Variants in RIMS1 observed in about 807,000 individuals in gnomAD.
The protein encoded by RIMS1 is regulating synaptic membrane exocytosis protein 1.
A neutral mutation model predicts 214.1 loss-of-function variants in RIMS1; 83 were observed. The observed-to-expected ratio is 0.39, with a 90% CI of 0.32 to 0.47. The LOEUF (loss-of-function observed/expected upper bound fraction) is 0.47, where lower values mean the gene tolerates loss of function less well. RIMS1 is among the 20% of genes least tolerant of loss of function. The pLI, the probability that RIMS1 is intolerant of heterozygous loss-of-function variation, is 0.99. For synonymous variants in RIMS1, 793 were observed against 786.8 expected, an observed-to-expected ratio of 1.01 and a Z score of -0.13; for missense variants, 2,050 against 2,161.8, an observed-to-expected ratio of 0.95 and a Z score of 1.03.
chr6:72,006,113 G>A (rs554741538), intron 2 of RIMS1, among the ~76,000 whole-genome samples: 13 of 152,192 alleles, frequency 8.5e-5, no homozygotes, highest in South Asian at 4.2e-4. Context: ...AGCAGAGAGC[G>A]GAAGCAAACT....
chr6:72,313,352 C>T (rs1450881544), intron 27 of RIMS1, among the ~76,000 whole-genome samples, 154 bp from the exon 28 acceptor site: 5 of 152,086 alleles, frequency 3.3e-5, no homozygotes, highest in Non-Finnish European at 7.4e-5. Context: ...TATTGGAAAT[C>T]ATATGGTAGT....
chr6:71,910,741 G>A (rs1418603351), intron 1 of RIMS1, among the ~76,000 whole-genome samples: 4 of 152,092 alleles, frequency 2.6e-5, no homozygotes, highest in Admixed American at 6.6e-5. Context: ...AGCTGGTTGG[G>A]GTAATTTCTA....
At chr6:72,149,590 T>G (rs1484709976) in intron 4 of RIMS1, among the ~76,000 whole-genome samples, 1 of 152,164 alleles carries the variant, frequency 6.6e-6, no homozygotes, top group African/African-American at 2.4e-5. Context: ...TGCCATTCAC[T>G]CTTAACTGGC....
At chr6:72,249,967 A>G (rs376188002) in intron 12 of RIMS1, among the ~76,000 whole-genome samples, 1 of 152,174 alleles carries the variant, frequency 6.6e-6, no homozygotes, top group African/African-American at 2.4e-5. Flanking sequence ...ATAATAATTT[A>G]GACACATATA....
intron 16 of RIMS1, among the ~76,000 whole-genome samples, chr6:72,253,571 G>C (rs950791273): frequency 6.6e-6 from 1 of 151,998 alleles, no homozygotes; most frequent in Non-Finnish European, 1.5e-5. Context: ...ATGCAAATAA[G>C]AAGAAATGAA....
intron 16 of RIMS1, among the ~76,000 whole-genome samples, chr6:72,255,039 G>A (rs1275057899): frequency 2.0e-5 from 3 of 152,134 alleles, no homozygotes; most frequent in East Asian, 1.9e-4. Flanking sequence ...AATTAAAGGA[G>A]AGCATGTAAT....
At chr6:71,977,552 A>C (rs1488807312) in intron 2 of RIMS1, among the ~76,000 whole-genome samples, 1 of 152,160 alleles carries the variant, frequency 6.6e-6, no homozygotes, top group Non-Finnish European at 1.5e-5. Context: ...CTTCTCTTTT[A>C]ACAAAGGCCT....
chr6:72,158,533 A>T (rs1437217735), intron 4 of RIMS1, among the ~76,000 whole-genome samples: 1 of 135,898 alleles, frequency 7.4e-6, no homozygotes, highest in Non-Finnish European at 1.7e-5. Context: ...AACATTAGGT[A>T]TATCTCCTAA....
At chr6:71,964,198 G>C (rs1284825224) in intron 1 of RIMS1, among the ~76,000 whole-genome samples, 2 of 152,138 alleles carry the variant, frequency 1.3e-5, no homozygotes, top group African/African-American at 2.4e-5. Context: ...CCAGTATTGG[G>C]AAGAGCATTC....
intron 26 of RIMS1, among the ~76,000 whole-genome samples, chr6:72,302,516 C>T (rs759561026): frequency 7.9e-5 from 12 of 151,458 alleles, no homozygotes; most frequent in Non-Finnish European, 1.6e-4. Flanking sequence ...CCACTGCAGT[C>T]AATAACTGAA....
chr6:71,899,885 G>T (rs745457080), intron 1 of RIMS1, among the ~76,000 whole-genome samples: 1 of 152,064 alleles, frequency 6.6e-6, no homozygotes, highest in Non-Finnish European at 1.5e-5. Context: ...GAAAATGAAT[G>T]ATCCACATTC....
At chr6:71,994,236 A>G (rs1202928514) in intron 2 of RIMS1, among the ~76,000 whole-genome samples, 1 of 152,228 alleles carries the variant, frequency 6.6e-6, no homozygotes, top group East Asian at 1.9e-4. Context: ...CTTCAGAAAG[A>G]TAAAGCAAAA....
chr6:71,972,098 T>G (rs545747886), intron 2 of RIMS1, among the ~76,000 whole-genome samples: 12 of 151,954 alleles, frequency 7.9e-5, no homozygotes, highest in African/African-American at 2.9e-4. Flanking sequence ...GTTTAAGGAA[T>G]GAGTAAAGTA....
Position 72,159,464 on chromosome 6 carries a change from C to G in RIMS1, c.472-20111C>G, listed in dbSNP as rs1361981459. ...GTGTTTTAGACATGAAGTCCTTGCC[C>G]ATGCCTATGTCCTGAATGGTATTGC... On this transcript the variant is annotated intron_variant, in intron 4 of 33. Transcript: ENST00000521978. 1.4e-5 allele frequency among the ~76,000 whole-genome samples: 2 copies of G among 140,700 alleles called. 1 individual carries two copies. Among genetic ancestry groups the G allele is most frequent in the Admixed American group, 1.5e-4 (2 of 13,764 alleles). The allele number at this position is 140,700 out of a possible 152,430, so 92.3% of individuals were successfully genotyped here.
chr6:72,152,477 AT>A (rs1471949426), intron 4 of RIMS1, among the ~76,000 whole-genome samples: 1 of 152,026 alleles, frequency 6.6e-6, no homozygotes, highest in Non-Finnish European at 1.5e-5. Context: ...TCTTTAAGGC[AT>A]TTTTTATGGT....
At chr6:72,282,677 T>G (rs1270525694) in intron 23 of RIMS1, among the ~76,000 whole-genome samples, 2 of 152,134 alleles carry the variant, frequency 1.3e-5, no homozygotes. Flanking sequence ...CCTGAGCCTG[T>G]TTCTTCACCT....
chr6:72,058,712 C>T (rs1430233392), intron 2 of RIMS1, among the ~76,000 whole-genome samples: 1 of 152,310 alleles, frequency 6.6e-6, no homozygotes, highest in East Asian at 1.9e-4. Flanking sequence ...GAGGAGTCCT[C>T]CTTCCTCTTA....
chr6:72,333,976 TCTG>T (rs1176407659), intron 29 of RIMS1, 141 bp downstream of exon 29: 1 of 658,454 alleles, frequency 1.5e-6, no homozygotes, highest in Non-Finnish European at 2.6e-6. Context: ...TCTCTGAAAA[TCTG>T]CTAAATTTAT....
chr6:72,008,528 C>A (rs931976263), intron 2 of RIMS1, among the ~76,000 whole-genome samples: 1 of 152,054 alleles, frequency 6.6e-6, no homozygotes. Context: ...CACAAACTGG[C>A]AAATTGGATA....
Sources: allele counts gnomAD v4.1 joint callset (sites outside exome capture counted in the v4.1 genomes callset), GRCh38; gene constraint gnomAD v4.1.1; transcripts MANE v1.5; gene names NCBI Gene and HGNC (gene_info 2026-07-23, HGNC 2026-07-21).